GAS7: variants seen among roughly 807,000 people sequenced by gnomAD.
The protein encoded by GAS7 is growth arrest-specific protein 7.
GAS7 carries 28 observed loss-of-function variants against 71.1 expected under a neutral mutation model. The observed-to-expected ratio is 0.39, with a 90% CI of 0.29 to 0.54. The LOEUF is 0.54. Among genes scored for constraint, GAS7 ranks in the 20% least tolerant of loss-of-function variants. The pLI is 0.62. For missense variants in GAS7, 436 were observed against 627.8 expected (o/e 0.69, Z 3.27); for synonymous variants, 258 against 245.8 (o/e 1.05, Z -0.46).
intron 1 of GAS7, among the ~76,000 whole-genome samples, chr17:10,191,566 A>AAAAG (rs1486140870): frequency 9.1e-5 from 13 of 142,560 alleles, no homozygotes; most frequent in African/African-American, 3.1e-4. Flanking sequence ...AAAAAAAAAA[A>AAAAG]AAAAAAAGGC....
At chr17:10,053,379 T>G (rs541935379) in intron 1 of GAS7, among the ~76,000 whole-genome samples, 1 of 152,210 alleles carries the variant, frequency 6.6e-6, no homozygotes, top group Non-Finnish European at 1.5e-5. Flanking sequence ...TGATCTTCTA[T>G]GAAAACAGCA....
chr17:9,959,060 G>T lies in GAS7; in HGVS notation c.525+142C>A. On this transcript the variant is annotated intron_variant, in intron 5 of 13. Transcript: ENST00000432992. The surrounding 1 kb of genome is among the most constrained non-coding windows in gnomAD (Gnocchi z 5.0). Reference sequence around the variant, plus strand: ...GGAGGGGCATGTGGATGGGGAACTTGAGTGAAATCCGAGCTTTGGAACTTC... The same window carrying T: ...GGAGGGGCATGTGGATGGGGAACTTTAGTGAAATCCGAGCTTTGGAACTTC... The T allele has an allele frequency of 7.5e-7, 1 of 1,328,690 alleles. No homozygotes were observed. Among genetic ancestry groups the T allele is most frequent in the East Asian group, 2.6e-5 (1 of 38,884 alleles). 82.3% of individuals were successfully genotyped at this position (1,328,690 alleles called of 1,614,324 possible). A position where few individuals can be genotyped will look rare whatever the true frequency, so the allele number is the denominator to read the frequency against.
chr17:10,148,342 G>A (rs941847645), intron 1 of GAS7, among the ~76,000 whole-genome samples: 2 of 151,920 alleles, frequency 1.3e-5, no homozygotes, highest in African/African-American at 2.4e-5. Context: ...CAGACGCAGC[G>A]GCTCACACCT....
At chr17:10,190,495 G>A (rs922766382) in intron 1 of GAS7, among the ~76,000 whole-genome samples, 4 of 151,174 alleles carry the variant, frequency 2.6e-5, no homozygotes, top group African/African-American at 4.9e-5. Context: ...CAGGAGAATC[G>A]CTTGAACCCA....
rs1247826385 is a variant in GAS7, at chr17:10,198,223, G to A, written c.168C>T (p.Tyr56=). ...DGLRGWFPAS[Y]VQLLEKPGMV... ...CGCCCCTTACCTCCAGCAACTGCACGTAGCTCGCCGGGAACCAGCCACGGA... is the reference window on the plus strand; with the variant it reads ...CGCCCCTTACCTCCAGCAACTGCACATAGCTCGCCGGGAACCAGCCACGGA... The change falls in exon 1 of 14, where the codon TAC becomes TAT. Residue 56 remains tyrosine, a synonymous_variant. Coordinates refer to ENST00000432992, the MANE Select transcript of GAS7 (RefSeq NM_201433.2). 3 of 1,607,830 alleles carry A rather than the reference G, an allele frequency of 1.9e-6. No homozygotes were observed. The highest frequency in any genetic ancestry group is 3.3e-5 in the Admixed American group (2 of 59,968).
chr17:10,046,871 G>GA (rs202037183), intron 1 of GAS7, among the ~76,000 whole-genome samples: 1 of 127,484 alleles, frequency 7.8e-6, no homozygotes, highest in Non-Finnish European at 1.6e-5. Flanking sequence ...AAAAAGAAAA[G>GA]AAAAGGAAAA....
intron 3 of GAS7, among the ~76,000 whole-genome samples, chr17:9,980,345 T>A (rs190782106): frequency 1.3e-5 from 2 of 152,122 alleles, no homozygotes; most frequent in African/African-American, 4.8e-5. Flanking sequence ...TCGCTTTGCG[T>A]CCCACCTCCC....
intron 2 of GAS7, among the ~76,000 whole-genome samples, chr17:10,005,157 G>GTGTATGTACACGCATACATGCATGTGTA (rs1426400377): frequency 1.1e-5 from 1 of 88,336 alleles, no homozygotes; most frequent in African/African-American, 2.7e-5. Context: ...ATGCATGCAT[G>GTGTATGTACACGCATACATGCATGTGTA]TGTGTGCGCA....
rs371056244 is a variant in GAS7, at chr17:9,934,950, G to A, written c.807-706C>T. On this transcript the variant is annotated intron_variant, in intron 8 of 13. Transcript: ENST00000432992. ...GGGGTTTTGCCATGTTGGCCAGGCC[G>A]GTCTCGAACTCCTGACCAACTGAGA... Among the ~76,000 whole-genome samples the A allele has an allele frequency of 1.1e-4, 16 of 152,058 alleles. 1 individual carries two copies. The highest frequency in any genetic ancestry group is 3.2e-3 in the Middle Eastern group (1 of 316).
intron 1 of GAS7, among the ~76,000 whole-genome samples, chr17:10,046,785 A>AAAGAAAGGAAGGAAGG (rs2072968986): frequency 1.5e-5 from 1 of 68,834 alleles, no homozygotes; most frequent in Admixed American, 1.5e-4. Context: ...AGAAAGAAAG[A>AAAGAAAGGAAGGAAGG]AAGGAAGGAA....
intron 2 of GAS7, among the ~76,000 whole-genome samples, chr17:9,989,150 T>C (rs1202366843): frequency 6.6e-6 from 1 of 152,018 alleles, no homozygotes; most frequent in African/African-American, 2.4e-5. Flanking sequence ...CCACTTTTAA[T>C]GGAAGGAACT....
chr17:10,051,844 G>C (rs371898752), intron 1 of GAS7, among the ~76,000 whole-genome samples: 2 of 152,054 alleles, frequency 1.3e-5, no homozygotes, highest in Admixed American at 6.5e-5. Flanking sequence ...CAGGAAAAAC[G>C]GGTTAAGTTT....
intron 1 of GAS7, among the ~76,000 whole-genome samples, chr17:10,075,799 TTA>T: frequency 6.7e-6 from 1 of 149,032 alleles, no homozygotes. Flanking sequence ...TATCTCAGTT[TTA>T]AAAAAAAAAA....
chr17:10,040,195 T>C (rs901698833), intron 1 of GAS7, among the ~76,000 whole-genome samples: 3 of 152,136 alleles, frequency 2.0e-5, no homozygotes, highest in Non-Finnish European at 4.4e-5. Flanking sequence ...CTGCGAGAGA[T>C]TGGGCAGGAT....
At chr17:9,953,311 C>G (rs981046011) in intron 5 of GAS7, among the ~76,000 whole-genome samples, 1 of 152,056 alleles carries the variant, frequency 6.6e-6, no homozygotes, top group South Asian at 2.1e-4. Context: ...GACTCATCAC[C>G]CTGCTGCTTC....
At chr17:10,147,562 T>C (rs1258049978) in intron 1 of GAS7, among the ~76,000 whole-genome samples, 2 of 152,198 alleles carry the variant, frequency 1.3e-5, no homozygotes, top group Non-Finnish European at 2.9e-5. Context: ...AACATCCTAA[T>C]ATTGCCTCTT....
chr17:9,967,980 G>A (rs773068542), intron 4 of GAS7, among the ~76,000 whole-genome samples: 2 of 152,120 alleles, frequency 1.3e-5, no homozygotes, highest in East Asian at 3.8e-4. Context: ...ATTTCAGAAG[G>A]GATTATGTTT....
chr17:9,975,423 C>T (rs950651203), intron 3 of GAS7, among the ~76,000 whole-genome samples: 3 of 151,952 alleles, frequency 2.0e-5, no homozygotes, highest in African/African-American at 7.3e-5. Flanking sequence ...GAAATCCTCG[C>T]TTCCCTCTTT....
intron 1 of GAS7, among the ~76,000 whole-genome samples, chr17:10,141,784 GA>G (rs1264017027): frequency 6.6e-6 from 1 of 152,150 alleles, no homozygotes; most frequent in African/African-American, 2.4e-5. Flanking sequence ...CAACACTGTG[GA>G]AAGGGTTAAA....
Sources: allele counts gnomAD v4.1 joint callset (sites outside exome capture counted in the v4.1 genomes callset), GRCh38; gene constraint gnomAD v4.1.1; non-coding constraint Gnocchi (gnomAD v3.1); transcripts MANE v1.5; gene names NCBI Gene and HGNC (gene_info 2026-07-23, HGNC 2026-07-21).